Variants in CPSF6 observed in about 807,000 individuals in gnomAD.
The protein encoded by CPSF6 is cleavage and polyadenylation specificity factor subunit 6.
In CPSF6, 10 loss-of-function variants were observed where a neutral mutation model predicts 56.7. The ratio of observed to expected loss-of-function variants is 0.18; its 90% CI spans 0.11 to 0.30. CPSF6 has a LOEUF of 0.30. Among genes scored for constraint, CPSF6 ranks in the 10% least tolerant of loss-of-function variants. The pLI, the probability that CPSF6 is intolerant of heterozygous loss-of-function variation, is 1.00. For synonymous variants in CPSF6, 248 were observed against 244.8 expected, an observed-to-expected ratio of 1.01 and a Z score of -0.12; for missense variants, 419 against 722.9, an observed-to-expected ratio of 0.58 and a Z score of 4.82.
At chr12:69,252,318 A>G (rs1322108402) in intron 2 of CPSF6, 2 of 299,722 alleles carry the variant, frequency 6.7e-6, no homozygotes, top group Admixed American at 4.8e-5. Context: ...TCCTGGCCTC[A>G]AGTGATCCTC....
At chr12:69,242,018 C>A (rs958458672) in intron 1 of CPSF6, among the ~76,000 whole-genome samples, 46 of 151,396 alleles carry the variant, frequency 3.0e-4, no homozygotes, top group Admixed American at 1.6e-3. Flanking sequence ...AATATTTTTC[C>A]AAAATCTTAC....
At position 69,239,620 on chromosome 12, in the gene CPSF6, G is replaced by T; in HGVS notation, c.-27G>T. ...GGGCAGACCTGCAGGAGGCGGCGGC[G>T]GCGGCGGCGGCCGAGGCTGAAGGAA... On this transcript the variant is annotated 5_prime_UTR_variant, in exon 1 of 10. Coordinates refer to ENST00000435070, the MANE Select transcript of CPSF6 (RefSeq NM_007007.3). The T allele has an allele frequency of 6.4e-7, 1 of 1,553,530 alleles. No homozygotes were observed. Among genetic ancestry groups the T allele is most frequent in the South Asian group, 1.2e-5 (1 of 84,096 alleles).
Position 69,246,978 on chromosome 12 carries a change from C to G in CPSF6, c.61-4151C>G, listed in dbSNP as rs1275212222. ...CCATGCCTAGCCTCGAATGATATTA[C>G]TGTAATTTTAGAACCATCAAAAAAA... On this transcript the variant is annotated intron_variant, in intron 1 of 9. Transcript: ENST00000435070. Among the ~76,000 whole-genome samples the G allele has an allele frequency of 2.6e-5, 4 of 152,092 alleles. No homozygotes were observed. The East Asian group carries it at 7.7e-4, about 29-fold the overall frequency.
chr12:69,249,222 G>T (rs1020423195), intron 1 of CPSF6, among the ~76,000 whole-genome samples: 1 of 140,378 alleles, frequency 7.1e-6, no homozygotes, highest in African/African-American at 2.6e-5. Flanking sequence ...AGTGAGCCGA[G>T]ATTGCGCCAC....
At chr12:69,239,741 G>A in intron 1 of CPSF6, 35 bp downstream of exon 1, 1 of 1,556,190 alleles carries the variant, frequency 6.4e-7, no homozygotes, top group Admixed American at 1.8e-5. Context: ...CGCCGACGCG[G>A]GCGGCGCTGC....
intron 1 of CPSF6, among the ~76,000 whole-genome samples, chr12:69,249,430 A>G (rs75808077): frequency 3.4e-5 from 4 of 117,060 alleles, no homozygotes; most frequent in African/African-American, 1.3e-4. Flanking sequence ...GGGTCATTCT[A>G]TCCATTTAGG....
rs1373942015 is a variant in CPSF6, at chr12:69,239,622, C to A, written c.-25C>A. On this transcript the variant is annotated 5_prime_UTR_variant, in exon 1 of 10. Transcript: ENST00000435070. The stretch of plus-strand genomic sequence containing the variant: ...GCAGACCTGCAGGAGGCGGCGGCGG[C>A]GGCGGCGGCCGAGGCTGAAGGAAGA... 6.4e-7 allele frequency: 1 copy of A among 1,553,986 alleles called. No homozygotes were observed. The highest frequency in any genetic ancestry group is 8.7e-7 in the Non-Finnish European group (1 of 1,152,916).
At chr12:69,259,389 T>C (rs760605430) in intron 6 of CPSF6, 39 bp from the exon 7 acceptor site, 1 of 1,592,980 alleles carries the variant, frequency 6.3e-7, no homozygotes, top group South Asian at 1.1e-5. Flanking sequence ...TGAGGAAATC[T>C]GTTGAGTATG....
At position 69,258,701 on chromosome 12, in the gene CPSF6, G is replaced by A. The variant is rs2120568813; in HGVS notation, c.806G>A (p.Arg269Gln). The change falls in exon 6 of 10, where the codon CGA (arginine) becomes CAA (glutamine). Residue 269 changes from arginine (R) to glutamine (Q), a missense_variant. This residue lies in a region of CPSF6 where 211 missense variants were observed against 296.0 expected (regional missense o/e 0.71). Coordinates refer to ENST00000435070, the MANE Select transcript of CPSF6 (RefSeq NM_007007.3). This position sits in a 1 kb window ranked among gnomAD's most constrained non-coding sequence, Gnocchi z 4.2. The stretch of plus-strand genomic sequence containing the variant: ...CCTCCTCTAGCTGGGCCTCCTAATC[G>A]AGGAGATCGCCCTCCACCACCAGTT... ...LPPPLAGPPN[R>Q]GDRPPPPVLF... 1 of 1,613,744 alleles carries A rather than the reference G, an allele frequency of 6.2e-7. No homozygotes were observed. Among genetic ancestry groups the A allele is most frequent in the Non-Finnish European group, 8.5e-7 (1 of 1,179,966 alleles).
At position 69,239,746 on chromosome 12, in the gene CPSF6, CGCTGCGGCCGGGAA is replaced by C. The variant is rs1871497532; in HGVS notation, c.60+45_60+58del. 1.9e-6 allele frequency: 3 copies of C among 1,548,802 alleles called. No individual in the cohort carries two copies. In the South Asian group the frequency reaches 3.5e-5, roughly 18 times the overall value. ...AGGTCCCCGCCGCCGACGCGGGCGG[CGCTGCGGCCGGGAA>C]GCTGACCCGGGGCCCGCTGCGGCCG... On this transcript the variant is annotated intron_variant, in intron 1 of 9. Transcript: ENST00000435070.
rs1405632637 is a variant in CPSF6, at chr12:69,273,222, A to G, written c.*3714A>G. 3.9e-6 allele frequency: 2 copies of G among 514,208 alleles called. No homozygotes were observed. Among genetic ancestry groups the G allele is most frequent in the Non-Finnish European group, 7.9e-6 (2 of 253,038 alleles). The allele number at this position is 514,208 out of a possible 1,614,324, so 31.9% of individuals were successfully genotyped here. ...CAATATGAATTTTTGTGAATATTCT[A>G]AATATTCAGGCAACACTGTTCAGAT... On this transcript the variant is annotated 3_prime_UTR_variant, in exon 10 of 10. Transcript: ENST00000435070.
In CPSF6 at chr12:69,239,655, C is replaced by G. The variant is rs199508060; in HGVS notation, c.9C>G (p.Asp3Glu). The G allele has an allele frequency of 1.9e-6, 3 of 1,578,182 alleles. No homozygotes were observed. The highest frequency in any genetic ancestry group is 1.1e-5 in the South Asian group (1 of 87,162). ...GCCGAGGCTGAAGGAAGATGGCGGA[C>G]GGCGTGGACCACATAGACATTTACG... The part of the protein sequence containing the change: MA[D>E]GVDHIDIYAD... Residue 3 changes from aspartate to glutamate, a missense_variant, in exon 1 of 10, where the codon GAC (aspartate) becomes GAG (glutamate). Asp to Glu is a conservative substitution (Grantham distance 45). This residue lies in a region of CPSF6 where 125 missense variants were observed against 216.4 expected (regional missense o/e 0.58). Coordinates refer to ENST00000435070, the MANE Select transcript of CPSF6 (RefSeq NM_007007.3).
At position 69,262,043 on chromosome 12, in the gene CPSF6, C is replaced by T. The variant is rs527953683; in HGVS notation, c.1470-330C>T. On this transcript the variant is annotated intron_variant, in intron 8 of 9. Coordinates refer to ENST00000435070, the MANE Select transcript of CPSF6 (RefSeq NM_007007.3). ...TGTAGATGTTCTTTAGCTTGAAACA[C>T]GAGTGCTTTGAAATTTTCCCTTTAC... 1.1e-3 allele frequency among the ~76,000 whole-genome samples: 160 copies of T among 152,272 alleles called. 1 individual carries two copies. Among genetic ancestry groups the T allele is most frequent in the African/African-American group, 3.4e-3 (142 of 41,546 alleles).
chr12:69,245,669 C>A (rs1206218356), intron 1 of CPSF6, among the ~76,000 whole-genome samples: 1 of 152,210 alleles, frequency 6.6e-6, no homozygotes, highest in East Asian at 1.9e-4. Context: ...ACACTGCTTG[C>A]ATTGAAGTAG....
intron 9 of CPSF6, among the ~76,000 whole-genome samples, chr12:69,263,838 G>C (rs1303897794): frequency 6.6e-6 from 1 of 151,944 alleles, no homozygotes; most frequent in Non-Finnish European, 1.5e-5. Flanking sequence ...AGGGCTTTTT[G>C]AGTTAAAAGG....
chr12:69,245,365 C>G (rs66543960), intron 1 of CPSF6, among the ~76,000 whole-genome samples: 18,878 of 152,024 alleles, frequency 0.12, 1,304 homozygotes, highest in Non-Finnish European at 0.16. Context: ...TCATGCATGA[C>G]TAAATTGTTC....
rs1872588186 is a variant in CPSF6, at chr12:69,258,153, T to C, written c.694+248T>C. The C allele has an allele frequency of 1.4e-6, 2 of 1,442,328 alleles. No individual in the cohort carries two copies. The highest frequency in any genetic ancestry group is 1.9e-6 in the Non-Finnish European group (2 of 1,063,676). The allele number at this position is 1,442,328 out of a possible 1,614,324, so 89.3% of individuals were successfully genotyped here. ...CCATTTTTGGCCTAAAAGGTCTTTA[T>C]TTTTCTCCAAACTTGCTTGACTTAT... On this transcript the variant is annotated intron_variant, in intron 5 of 9. Transcript: ENST00000435070. The surrounding 1 kb of genome is among the most constrained non-coding windows in gnomAD (Gnocchi z 4.2).
In CPSF6 at chr12:69,241,118, G is replaced by C. The variant is rs562845855; in HGVS notation, c.60+1412G>C. On this transcript the variant is annotated intron_variant, in intron 1 of 9. Coordinates refer to ENST00000435070, the MANE Select transcript of CPSF6 (RefSeq NM_007007.3). Reference sequence around the variant, plus strand: ...TTTCAGGAATGACTTTGTGCCTCTGGTTTAAATATTAGAAAACAGAAAAAT... The same window carrying C: ...TTTCAGGAATGACTTTGTGCCTCTGCTTTAAATATTAGAAAACAGAAAAAT... Among the ~76,000 whole-genome samples, 3 of 152,194 alleles carry C rather than the reference G, an allele frequency of 2.0e-5. No homozygotes were observed. In the East Asian group the frequency reaches 5.8e-4, roughly 29 times the overall value.
In CPSF6 at chr12:69,257,733, T is replaced by A. The variant is rs755630561; in HGVS notation, c.522T>A (p.Thr174=). ...TTATGAGTATTTGGATATTTGCAGC[T>A]ACACAATCAGGACAAATGTCTGGGG... ...LSQFEMQSRK[T]TQSGQMSGEG... is the part of the protein sequence containing the mutation. Residue 174 remains threonine, a splice_region_variant and synonymous_variant, in exon 5 of 10, where the codon ACT becomes ACA. Transcript: ENST00000435070. 6.2e-7 allele frequency: 1 copy of A among 1,605,358 alleles called. No individual in the cohort carries two copies. Among genetic ancestry groups the A allele is most frequent in the East Asian group, 2.2e-5 (1 of 44,826 alleles).
Sources: gnomAD v4.1 joint callset for allele counts (sites outside exome capture counted in the v4.1 genomes callset) on GRCh38, gnomAD v4.1.1 for gene constraint, gnomAD v4.1.1 regional missense constraint, Gnocchi (gnomAD v3.1) non-coding constraint, MANE v1.5 for transcripts, NCBI Gene and HGNC (gene_info 2026-07-23, HGNC 2026-07-21) for gene names.